IPPK: variants seen among roughly 807,000 people sequenced by gnomAD.
IPPK encodes IPK1 homolog.
Under a neutral mutation model 64.6 loss-of-function variants are expected in IPPK, and 22 were observed. That is an observed-to-expected ratio of 0.34 (90% CI 0.24 to 0.49). IPPK has a LOEUF of 0.49. IPPK is among the 20% of genes least tolerant of loss of function. The probability of loss-of-function intolerance (pLI) is 0.99; values close to 1 mark genes in which losing one functional copy is unlikely to be tolerated. For synonymous variants in IPPK, 262 were observed against 247.2 expected, an observed-to-expected ratio of 1.06 and a Z score of -0.56; for missense variants, 532 against 630.7, an observed-to-expected ratio of 0.84 and a Z score of 1.68.
At chr9:92,627,409 G>A (rs929099722) in intron 11 of IPPK, among the ~76,000 whole-genome samples, 2 of 152,024 alleles carry the variant, frequency 1.3e-5, no homozygotes, top group African/African-American at 4.8e-5. Flanking sequence ...ACAAGAAAAC[G>A]AAACTACACA....
chr9:92,640,558 G>C (rs1418933289), intron 8 of IPPK, 152 bp downstream of exon 8: 3 of 672,574 alleles, frequency 4.5e-6, no homozygotes, highest in South Asian at 1.7e-5. Flanking sequence ...GAAGGTCCAA[G>C]GTGATGACTG....
chr9:92,613,472 C>T lies in IPPK; in HGVS notation c.*2360G>A, dbSNP rs540901325. On this transcript the variant is annotated 3_prime_UTR_variant, in exon 13 of 13. Coordinates refer to ENST00000287996, the MANE Select transcript of IPPK (RefSeq NM_022755.6). ...ACCCACTGCAGCCTCACACCGAGTC[C>T]ACCTTGGACATGGTGGCCACATTAC... The T allele has an allele frequency of 5.7e-4, 167 of 293,934 alleles. 1 individual carries two copies. The highest frequency in any genetic ancestry group is 2.0e-3 in the South Asian group (57 of 29,034). The allele number at this position is 293,934 out of a possible 1,614,324, so 18.2% of individuals were successfully genotyped here.
intron 11 of IPPK, among the ~76,000 whole-genome samples, chr9:92,629,359 C>G (rs1419973350): frequency 6.6e-6 from 1 of 151,928 alleles, no homozygotes; most frequent in African/African-American, 2.4e-5. Context: ...AAAAGGCAAC[C>G]AACAGAATAG....
chr9:92,618,603 T>A (rs769265408), intron 12 of IPPK: 3 of 456,234 alleles, frequency 6.6e-6, no homozygotes, highest in Non-Finnish European at 1.3e-5. Context: ...AGTTAAGGAA[T>A]TCCTCATAAC....
intron 6 of IPPK, among the ~76,000 whole-genome samples, chr9:92,645,462 GA>G (rs1852133167): frequency 6.6e-6 from 1 of 152,092 alleles, no homozygotes; most frequent in Admixed American, 6.5e-5. Flanking sequence ...AAAGTAACTA[GA>G]GGGGCTCAAG....
intron 11 of IPPK, among the ~76,000 whole-genome samples, chr9:92,632,073 G>C (rs996943080): frequency 2.0e-5 from 3 of 152,226 alleles, no homozygotes; most frequent in African/African-American, 7.2e-5. Flanking sequence ...GTGCTGAGCA[G>C]AGTTCTGTGG....
Position 92,619,676 on chromosome 9 carries a change from G to T in IPPK, c.1171-111C>A, listed in dbSNP as rs1360716961. ...GGAACTGCTTCCTGCCTCAGAACCT[G>T]AGGGTGGGATTAGGAGCGAGGGCCA... On this transcript the variant is annotated intron_variant, in intron 11 of 12. Coordinates refer to ENST00000287996, the MANE Select transcript of IPPK (RefSeq NM_022755.6). 3.0e-6 allele frequency: 3 copies of T among 1,014,476 alleles called. No homozygotes were observed. The East Asian group carries it at 7.9e-5, about 27-fold the overall frequency. The allele number at this position is 1,014,476 out of a possible 1,614,324, so 62.8% of individuals were successfully genotyped here.
intron 7 of IPPK, among the ~76,000 whole-genome samples, chr9:92,642,342 C>T (rs1225913048): frequency 1.3e-5 from 2 of 152,270 alleles, no homozygotes; most frequent in Non-Finnish European, 2.9e-5. Flanking sequence ...AGGCTGCAAG[C>T]AGACCTTGCC....
chr9:92,666,087 T>C (rs1852590206), intron 1 of IPPK, among the ~76,000 whole-genome samples: 1 of 152,222 alleles, frequency 6.6e-6, no homozygotes, highest in Non-Finnish European at 1.5e-5. Flanking sequence ...GTGATCAATT[T>C]AGTTGGCTGG....
chr9:92,647,006 G>GGGA (rs1371082318), intron 6 of IPPK, among the ~76,000 whole-genome samples: 3 of 152,026 alleles, frequency 2.0e-5, no homozygotes, highest in African/African-American at 4.8e-5. Context: ...TGGGGGAGAG[G>GGGA]GGAGCAGAAA....
At chr9:92,627,648 AAC>A (rs1427462194) in intron 11 of IPPK, among the ~76,000 whole-genome samples, 1 of 152,268 alleles carries the variant, frequency 6.6e-6, no homozygotes, top group Non-Finnish European at 1.5e-5. Context: ...AACAGAATCC[AAC>A]ACCCTTTCAG....
At position 92,613,674 on chromosome 9, in the gene IPPK, T is replaced by G. The variant is rs932323727; in HGVS notation, c.*2158A>C. The G allele has an allele frequency of 1.3e-5, 2 of 158,044 alleles. No individual in the cohort carries two copies. Among genetic ancestry groups the G allele is most frequent in the African/African-American group, 4.8e-5 (2 of 41,520 alleles). The allele number at this position is 158,044 out of a possible 1,614,324, so 9.8% of individuals were successfully genotyped here. The stretch of plus-strand genomic sequence containing the variant: ...GTGAGGCAGTCTCAGCAAGTCCTCA[T>G]GCTGTTCTTGGTCTTCCACAAGAAA... On this transcript the variant is annotated 3_prime_UTR_variant, in exon 13 of 13. Coordinates refer to ENST00000287996, the MANE Select transcript of IPPK (RefSeq NM_022755.6).
At chr9:92,667,982 ACAAT>A (rs1217887288) in intron 1 of IPPK, among the ~76,000 whole-genome samples, 2 of 151,960 alleles carry the variant, frequency 1.3e-5, no homozygotes, top group Non-Finnish European at 2.9e-5. Context: ...GAAAAAATAA[ACAAT>A]CAACCTGGCG....
chr9:92,654,056 C>T (rs75139187), intron 3 of IPPK, among the ~76,000 whole-genome samples: 6,039 of 152,248 alleles, frequency 0.04, 184 homozygotes, highest in South Asian at 0.11. Flanking sequence ...GACACAGCAG[C>T]TACGCAGGTC....
At position 92,656,538 on chromosome 9, in the gene IPPK, A is replaced by C; in HGVS notation, c.143T>G (p.Ile48Arg). Residue 48 changes from isoleucine (I) to arginine (R), a missense_variant, in exon 3 of 13, where the codon ATA becomes AGA. Transcript: ENST00000287996. ...PPNRKKTSEEIFQHLQNIVDF... is the reference protein window; with the variant it reads ...PPNRKKTSEERFQHLQNIVDF... The stretch of plus-strand genomic sequence containing the variant: ...CACTATGTTCTGCAGGTGTTGAAAT[A>C]TCTCTTCCGAGGTCTGTAAGAGACA... The C allele has an allele frequency of 6.2e-7, 1 of 1,611,726 alleles. No homozygotes were observed. The highest frequency in any genetic ancestry group is 8.5e-7 in the Non-Finnish European group (1 of 1,177,844).
At chr9:92,636,161 C>T (rs565243485) in intron 9 of IPPK, among the ~76,000 whole-genome samples, 2 of 152,318 alleles carry the variant, frequency 1.3e-5, no homozygotes, top group South Asian at 4.1e-4. Flanking sequence ...AACCAAACTA[C>T]AGGCAAAGAC....
At chr9:92,641,767 G>C (rs1412777468) in intron 7 of IPPK, among the ~76,000 whole-genome samples, 2 of 152,228 alleles carry the variant, frequency 1.3e-5, no homozygotes, top group Non-Finnish European at 2.9e-5. Context: ...CAGAGGCAGT[G>C]CTGAGCACTG....
At chr9:92,621,299 C>T (rs1226368273) in intron 11 of IPPK, among the ~76,000 whole-genome samples, 2 of 152,110 alleles carry the variant, frequency 1.3e-5, no homozygotes, top group Non-Finnish European at 2.9e-5. Flanking sequence ...AAAGAGCATA[C>T]TTCAAATCCT....
chr9:92,662,793 G>A (rs955429547), intron 1 of IPPK, among the ~76,000 whole-genome samples: 17 of 152,152 alleles, frequency 1.1e-4, no homozygotes, highest in African/African-American at 3.6e-4. Flanking sequence ...GATTTAAAAG[G>A]TTAAGGGACA....
Sources: allele counts gnomAD v4.1 joint callset (sites outside exome capture counted in the v4.1 genomes callset), GRCh38; gene constraint gnomAD v4.1.1; transcripts MANE v1.5; gene names NCBI Gene and HGNC (gene_info 2026-07-23, HGNC 2026-07-21).